ZBTB8A: variants seen among roughly 807,000 people sequenced by gnomAD.
The protein encoded by ZBTB8A is zinc finger and BTB domain containing 8A.
In ZBTB8A, 19 loss-of-function variants were observed where a neutral mutation model predicts 37.8. That is an observed-to-expected ratio of 0.50 (90% CI 0.35 to 0.74). The LOEUF is 0.74. Among genes scored for constraint, ZBTB8A ranks in the 30% least tolerant of loss-of-function variants. The pLI, the probability that ZBTB8A is intolerant of heterozygous loss-of-function variation, is 0.01. For missense variants in ZBTB8A, 394 were observed against 537.8 expected, an observed-to-expected ratio of 0.73 and a Z score of 2.65; for synonymous variants, 181 against 185.2, an observed-to-expected ratio of 0.98 and a Z score of 0.19.
chr1:32,566,180 C>T lies in ZBTB8A; in HGVS notation c.-2+12640C>T, dbSNP rs548161576. ...TCGTGCCATTGCACTCCAGCCTGGG[C>T]GACAGAGCAAGACTCCATCTCAAAA... On this transcript the variant is annotated intron_variant, in intron 2 of 4. Transcript: ENST00000373510. Among the ~76,000 whole-genome samples the T allele has an allele frequency of 1.8e-4, 26 of 141,052 alleles. No individual in the cohort carries two copies. In the East Asian group the frequency reaches 4.6e-3, roughly 25 times the overall value. 92.5% of individuals were successfully genotyped at this position (141,052 alleles called of 152,430 possible). A position where few individuals can be genotyped will look rare whatever the true frequency, so the allele number is the denominator to read the frequency against.
intron 2 of ZBTB8A, among the ~76,000 whole-genome samples, chr1:32,577,543 T>C (rs1038758755): frequency 1.3e-5 from 2 of 151,498 alleles, no homozygotes; most frequent in African/African-American, 4.8e-5. Context: ...TATAATCTCT[T>C]ATTAAGCCCA....
chr1:32,544,683 C>G (rs999656100), intron 1 of ZBTB8A, among the ~76,000 whole-genome samples: 1 of 152,120 alleles, frequency 6.6e-6, no homozygotes, highest in African/African-American at 2.4e-5. Flanking sequence ...GGGGATAGAG[C>G]AAGACTTTGT....
intron 2 of ZBTB8A, among the ~76,000 whole-genome samples, chr1:32,554,126 G>A (rs1406721538): frequency 6.7e-6 from 1 of 150,364 alleles, no homozygotes; most frequent in Non-Finnish European, 1.5e-5. Flanking sequence ...CTTCAATCCG[G>A]GCAGCGGACG....
chr1:32,592,529 TAG>T (rs1010613866), intron 2 of ZBTB8A, among the ~76,000 whole-genome samples: 1 of 151,612 alleles, frequency 6.6e-6, no homozygotes, highest in Non-Finnish European at 1.5e-5. Flanking sequence ...TTTTTTGAGA[TAG>T]AGTCTTGCTC....
At chr1:32,553,064 ATT>A (rs761044528) in intron 1 of ZBTB8A, among the ~76,000 whole-genome samples, 1 of 145,010 alleles carries the variant, frequency 6.9e-6, no homozygotes. Flanking sequence ...CTCTTATATA[ATT>A]TTTTTTTTTT....
Position 32,593,450 on chromosome 1 carries a change from TATA to T in ZBTB8A, c.524_526del (p.Ile175del), listed in dbSNP as rs1268361278. 4 of 1,613,782 alleles carry T rather than the reference TATA, an allele frequency of 2.5e-6. No homozygotes were observed. The African/African-American group carries it at 4.0e-5, about 16-fold the overall frequency. On this transcript the variant is annotated inframe_deletion, in exon 3 of 5. Transcript: ENST00000373510. Reference sequence around the variant, plus strand: ...ACCTAAGCCCAGAGCAAGGAACAGGTATAATAAGTGGAAAATCTTGGAATAAGT... The same window carrying T: ...ACCTAAGCCCAGAGCAAGGAACAGGTATAAGTGGAAAATCTTGGAATAAGT...
chr1:32,569,079 C>A (rs1043424348), intron 2 of ZBTB8A, among the ~76,000 whole-genome samples: 1 of 152,126 alleles, frequency 6.6e-6, no homozygotes, highest in Admixed American at 6.6e-5. Flanking sequence ...TTTCCACCAG[C>A]AATACATGAG....
chr1:32,544,903 C>T (rs1414291682), intron 1 of ZBTB8A, among the ~76,000 whole-genome samples: 1 of 152,166 alleles, frequency 6.6e-6, no homozygotes, highest in Non-Finnish European at 1.5e-5. Context: ...ACCTGTCCGT[C>T]AGTGGACATT....
intron 2 of ZBTB8A, among the ~76,000 whole-genome samples, chr1:32,583,094 G>A (rs1644420177): frequency 1.3e-5 from 2 of 151,946 alleles, no homozygotes; most frequent in Admixed American, 1.3e-4. Context: ...TTAAATAACT[G>A]CTTAGGCCAG....
chr1:32,566,579 C>T (rs896898364), intron 2 of ZBTB8A, among the ~76,000 whole-genome samples: 3 of 152,118 alleles, frequency 2.0e-5, no homozygotes, highest in Non-Finnish European at 2.9e-5. Context: ...CTAGTTCTTC[C>T]ACATAATTGC....
chr1:32,595,148 A>G lies in ZBTB8A; in HGVS notation c.918A>G (p.Gly306=). 1 of 1,614,270 alleles carries G rather than the reference A, an allele frequency of 6.2e-7. No individual in the cohort carries two copies. ...DLKRHLRCHT[G]ERPYPCQACG... is the part of the protein sequence containing the mutation. ...AGCGCCACCTTCGTTGTCATACAGG[A>G]GAAAGGCCCTATCCATGTCAAGCTT... Residue 306 remains glycine, a synonymous_variant, in exon 4 of 5, where the codon GGA becomes GGG. Coordinates refer to ENST00000373510, the MANE Select transcript of ZBTB8A (RefSeq NM_001040441.3).
intron 2 of ZBTB8A, among the ~76,000 whole-genome samples, chr1:32,567,820 A>AC (rs1191952383): frequency 0.035 from 1,256 of 36,036 alleles, 275 homozygotes; most frequent in Middle Eastern, 0.088. Context: ...AAAAAAAAAA[A>AC]AAACAAAAAC....
intron 1 of ZBTB8A, among the ~76,000 whole-genome samples, chr1:32,541,812 T>A (rs1321264805): frequency 2.0e-5 from 3 of 152,174 alleles, no homozygotes; most frequent in African/African-American, 7.2e-5. Context: ...GGCAGAGTCT[T>A]CGTGGCCCAA....
At chr1:32,563,261 G>A (rs1644256574) in intron 2 of ZBTB8A, among the ~76,000 whole-genome samples, 2 of 152,134 alleles carry the variant, frequency 1.3e-5, no homozygotes, top group South Asian at 2.1e-4. Flanking sequence ...GACCAGGCAC[G>A]ATGGCTCACC....
rs1382354594 is a variant in ZBTB8A at position 32,593,391 on chromosome 1, G to A, written c.460G>A (p.Gly154Ser). The change falls in exon 3 of 5, where the codon GGC (glycine) becomes AGC (serine). Residue 154 changes from glycine to serine, a missense_variant. Gly to Ser is a moderately conservative substitution (Grantham distance 56, BLOSUM62 0). This residue lies in a region of ZBTB8A where 171 missense variants were observed against 186.8 expected (regional missense o/e 0.92). Transcript: ENST00000373510. ...GVERSSFYSGGWQEGSSSPRS... is the reference protein window; with the variant it reads ...GVERSSFYSGSWQEGSSSPRS... ...AGAACGTTCCTCTTTTTATAGTGGT[G>A]GCTGGCAAGAAGGAAGCAGTTCTCC... 1 of 1,613,666 alleles carries A rather than the reference G, an allele frequency of 6.2e-7. No individual in the cohort carries two copies.
At chr1:32,586,060 G>A (rs902445351) in intron 2 of ZBTB8A, among the ~76,000 whole-genome samples, 4 of 151,758 alleles carry the variant, frequency 2.6e-5, no homozygotes, top group Admixed American at 2.6e-4. Flanking sequence ...GCTCATGCCT[G>A]TAATGTCAGC....
In ZBTB8A at chr1:32,604,671, A is replaced by G. The variant is rs1409630961; in HGVS notation, c.*4252A>G. 1 of 152,192 alleles carries G rather than the reference A, an allele frequency of 6.6e-6. No individual in the cohort carries two copies. Among genetic ancestry groups the G allele is most frequent in the Non-Finnish European group, 1.5e-5 (1 of 68,032 alleles). The allele number at this position is 152,192 out of a possible 1,614,324, so 9.4% of individuals were successfully genotyped here. On this transcript the variant is annotated 3_prime_UTR_variant, in exon 5 of 5. Coordinates refer to ENST00000373510, the MANE Select transcript of ZBTB8A (RefSeq NM_001040441.3). ...GTTACTGTTTTCTGTACGGCTAAGT[A>G]CTGCCTAATGGATGAAAGAAGTTTG...
chr1:32,600,087 A>G lies in ZBTB8A; in HGVS notation c.994A>G (p.Ile332Val), dbSNP rs144152354. 401 of 1,609,780 alleles carry G rather than the reference A, an allele frequency of 2.5e-4. 1 individual carries two copies. Among genetic ancestry groups the G allele is most frequent in the Admixed American group, 4.7e-4 (28 of 59,682 alleles). ...LDHLSSHFRT[I>V]HQACKLICRK... is the part of the protein sequence containing the mutation. Reference sequence around the variant, plus strand: ...TATCACTATTTAAATCTCTACACAGATTCACCAGGCATGTAAACTCATCTG... The same window carrying G: ...TATCACTATTTAAATCTCTACACAGGTTCACCAGGCATGTAAACTCATCTG... Residue 332 changes from isoleucine to valine, a missense_variant and splice_region_variant, in exon 5 of 5, where the codon ATT (isoleucine) becomes GTT (valine). Around this residue, in one of 4 missense-constraint regions of ZBTB8A, gnomAD observed 42 missense variants for 96.4 expected, o/e 0.44. Transcript: ENST00000373510.
intron 2 of ZBTB8A, among the ~76,000 whole-genome samples, chr1:32,584,508 CTTTTTTTT>C (rs1177778440): frequency 1.0e-4 from 12 of 117,874 alleles, no homozygotes; most frequent in Admixed American, 1.9e-4. Context: ...TTCTTTCTTT[CTTTTTTTT>C]TTTTTTTTTT....
Sources: allele counts gnomAD v4.1 joint callset (sites outside exome capture counted in the v4.1 genomes callset), GRCh38; gene constraint gnomAD v4.1.1; regional missense constraint gnomAD v4.1.1; transcripts MANE v1.5; gene names NCBI Gene and HGNC (gene_info 2026-07-23, HGNC 2026-07-21).